Variants in PIGM observed in about 807,000 individuals in gnomAD.
The protein encoded by PIGM is phosphatidylinositol glycan anchor biosynthesis class M, also known as GPI alpha-1,4-mannosyltransferase I, catalytic subunit.
PIGM carries 7 observed loss-of-function variants against 14.6 expected under a neutral mutation model. The ratio of observed to expected loss-of-function variants is 0.48; its 90% confidence interval spans 0.27 to 0.90. The LOEUF (loss-of-function observed/expected upper bound fraction) is 0.90. PIGM is among the 40% of genes least tolerant of loss of function. The probability of loss-of-function intolerance (pLI) is 0.12; values close to 1 mark genes in which losing one functional copy is unlikely to be tolerated. For missense variants in PIGM, 506 were observed against 516.2 expected, an observed-to-expected ratio of 0.98 and a Z score of 0.19; for synonymous variants, 216 against 215.9, an observed-to-expected ratio of 1.00 and a Z score of 0.00.
At position 160,030,936 on chromosome 1, in the gene PIGM, AC is replaced by A. The variant is rs1648310700; in HGVS notation, c.803del (p.Arg268LeufsTer13). ...TGTAGAAGTACGGAGAAAAGTTGTG[AC>A]GGATATCCCGCCTAGTCAGGTGATA... ...YFYHLTRRDI[R>X]HNFSPYFYML... On this transcript the variant is annotated frameshift_variant, in exon 1 of 1. Coordinates refer to ENST00000368090, the MANE Select transcript of PIGM (RefSeq NM_145167.3). LOFTEE classifies it high-confidence loss of function. 3.7e-6 allele frequency: 6 copies of A among 1,614,184 alleles called. No individual in the cohort carries two copies. The highest frequency in any genetic ancestry group is 5.1e-6 in the Non-Finnish European group (6 of 1,180,032).
Position 160,030,421 on chromosome 1 carries a change from C to T in PIGM, c.*47G>A. On this transcript the variant is annotated 3_prime_UTR_variant, in exon 1 of 1. Transcript: ENST00000368090. ...TCCCAAAGCTCTCTTCTGGTCCATA[C>T]AAGACAATCAGAATGTAACACAGTA... 1 of 1,558,290 alleles carries T rather than the reference C, an allele frequency of 6.4e-7. No individual in the cohort carries two copies.
chr1:160,030,693 T>C lies in PIGM; in HGVS notation c.1047A>G (p.Leu349=), dbSNP rs1450360502. 1 of 1,613,970 alleles carries C rather than the reference T, an allele frequency of 6.2e-7. No homozygotes were observed. The highest frequency in any genetic ancestry group is 8.5e-7 in the Non-Finnish European group (1 of 1,179,956). The change falls in exon 1 of 1, where the codon CTA becomes CTG. Residue 349 remains leucine, a synonymous_variant. Transcript: ENST00000368090. ...YLCLLPLVMP[L]VRMPWKRAVV... ...CAGCTCTTTTCCAAGGCATTCTGAC[T>C]AGTGGCATCACAAGAGGCAGTAAGC... is the stretch of plus-strand genomic sequence containing the variant.
chr1:160,028,780 C>T lies in PIGM; in HGVS notation c.*1688G>A, dbSNP rs1188610730. 1.4e-5 allele frequency: 1 copy of T among 74,064 alleles called. No homozygotes were observed. The highest frequency in any genetic ancestry group is 6.3e-5 in the African/African-American group (1 of 15,774). 4.6% of individuals were successfully genotyped at this position (74,064 alleles called of 1,614,324 possible). A position where few individuals can be genotyped will look rare whatever the true frequency, so the allele number is the denominator to read the frequency against. On this transcript the variant is annotated 3_prime_UTR_variant, in exon 1 of 1. Transcript: ENST00000368090. ...TTAGGGAATCCCAAGCCTAGACAGGCTGTTTAATTAAAAAAAAAAATGTAA... is the reference window on the plus strand; with the variant it reads ...TTAGGGAATCCCAAGCCTAGACAGGTTGTTTAATTAAAAAAAAAAATGTAA...
chr1:160,030,496 G>T lies in PIGM; in HGVS notation c.1244C>A (p.Pro415His). ...IQIISHYKEEPLTERIKYD is the reference protein window; with the variant it reads ...IQIISHYKEEHLTERIKYD The stretch of plus-strand genomic sequence containing the variant: ...GTCATATTTGATTCTCTCTGTCAGG[G>T]GTTCTTCTTTGTAATGGGAAATAAT... Residue 415 changes from proline to histidine, a missense_variant, in exon 1 of 1, where the codon CCC becomes CAC. Coordinates refer to ENST00000368090, the MANE Select transcript of PIGM (RefSeq NM_145167.3). 2 of 1,613,124 alleles carry T rather than the reference G, an allele frequency of 1.2e-6. No individual in the cohort carries two copies. The highest frequency in any genetic ancestry group is 2.2e-5 in the East Asian group (1 of 44,882).
Position 160,030,251 on chromosome 1 carries a change from T to C in PIGM, c.*217A>G, listed in dbSNP as rs935104378. The C allele has an allele frequency of 1.9e-6, 1 of 516,956 alleles. No individual in the cohort carries two copies. Among genetic ancestry groups the C allele is most frequent in the East Asian group, 3.5e-5 (1 of 28,646 alleles). The allele number at this position is 516,956 out of a possible 1,614,324, so 32.0% of individuals were successfully genotyped here. A position where few individuals can be genotyped will look rare whatever the true frequency, so the allele number is the denominator to read the frequency against. ...CAATATGTGACCTTTATTCCCACCATGTCCCAAATAAACGAGTCCTAGGAT... is the reference window on the plus strand; with the variant it reads ...CAATATGTGACCTTTATTCCCACCACGTCCCAAATAAACGAGTCCTAGGAT... On this transcript the variant is annotated 3_prime_UTR_variant, in exon 1 of 1. Transcript: ENST00000368090.
rs1648203349 is a variant in PIGM, at chr1:160,027,200, TC to T, written c.*3267del. On this transcript the variant is annotated 3_prime_UTR_variant, in exon 1 of 1. Coordinates refer to ENST00000368090, the MANE Select transcript of PIGM (RefSeq NM_145167.3). ...GACAATCCTAGGTATAATTTTTCCA[TC>T]TTTTTCCTTTTCCATTCATAGTACA... 1 of 152,222 alleles carries T rather than the reference TC, an allele frequency of 6.6e-6. No homozygotes were observed. The highest frequency in any genetic ancestry group is 6.5e-5 in the Admixed American group (1 of 15,286). 9.4% of individuals were successfully genotyped at this position (152,222 alleles called of 1,614,324 possible).
chr1:160,030,521 T>A lies in PIGM; in HGVS notation c.1219A>T (p.Ile407Phe). 1 of 1,613,810 alleles carries A rather than the reference T, an allele frequency of 6.2e-7. No individual in the cohort carries two copies. The highest frequency in any genetic ancestry group is 1.1e-5 in the South Asian group (1 of 91,062). ...GGTTCTTCTTTGTAATGGGAAATAA[T>A]TTGAATCAGGATGGAACAATTGATA... ...LLINCSILIQIISHYKEEPLT... is the reference protein window; with the variant it reads ...LLINCSILIQFISHYKEEPLT... The change falls in exon 1 of 1, where the codon ATT becomes TTT. Residue 407 changes from isoleucine (I) to phenylalanine (F), a missense_variant. Transcript: ENST00000368090.
At position 160,030,932 on chromosome 1, in the gene PIGM, T is replaced by A. The variant is rs1010374723; in HGVS notation, c.808A>T (p.Asn270Tyr). The part of the protein sequence containing the change: ...YHLTRRDIRH[N>Y]FSPYFYMLYL... ...AGCATGTAGAAGTACGGAGAAAAGTTGTGACGGATATCCCGCCTAGTCAGG... is the reference window on the plus strand; with the variant it reads ...AGCATGTAGAAGTACGGAGAAAAGTAGTGACGGATATCCCGCCTAGTCAGG... The change falls in exon 1 of 1, where the codon AAC becomes TAC. Residue 270 changes from asparagine (N) to tyrosine (Y), a missense_variant. Coordinates refer to ENST00000368090, the MANE Select transcript of PIGM (RefSeq NM_145167.3). 1 of 1,614,042 alleles carries A rather than the reference T, an allele frequency of 6.2e-7. No homozygotes were observed. The highest frequency in any genetic ancestry group is 1.3e-5 in the African/African-American group (1 of 74,934).
chr1:160,031,985 G>A lies in PIGM; in HGVS notation c.-246C>T. On this transcript the variant is annotated 5_prime_UTR_variant, in exon 1 of 1. Transcript: ENST00000368090. ...TGCCTTCCTCTGGATGGACGGTCTC[G>A]CTTCCGCTTCTTCTTCCAGCGGAGG... 1 of 593,094 alleles carries A rather than the reference G, an allele frequency of 1.7e-6. No individual in the cohort carries two copies. The highest frequency in any genetic ancestry group is 1.9e-5 in the African/African-American group (1 of 53,952). 36.7% of individuals were successfully genotyped at this position (593,094 alleles called of 1,614,324 possible). A position where few individuals can be genotyped will look rare whatever the true frequency, so the allele number is the denominator to read the frequency against.
In PIGM at chr1:160,031,360, T is replaced by C. The variant is rs1427435840; in HGVS notation, c.380A>G (p.Tyr127Cys). 1 of 1,607,784 alleles carries C rather than the reference T, an allele frequency of 6.2e-7. No homozygotes were observed. The highest frequency in any genetic ancestry group is 1.7e-5 in the Admixed American group (1 of 59,502). ...GGGGTTAAGAAGCCAAAAGACACAG[T>C]AGCCACAAGCCTGGCGGCGCCCCAG... ...KGLGRRQACG[Y>C]CVFWLLNPLP... The change falls in exon 1 of 1, where the codon TAC becomes TGC. Residue 127 changes from tyrosine (Y) to cysteine (C), a missense_variant. Tyr to Cys is a radical substitution (Grantham distance 194). Coordinates refer to ENST00000368090, the MANE Select transcript of PIGM (RefSeq NM_145167.3).
In PIGM at chr1:160,031,572, G is replaced by A. The variant is rs1557964436; in HGVS notation, c.168C>T (p.Thr56=). The A allele has an allele frequency of 1.2e-6, 2 of 1,614,170 alleles. No individual in the cohort carries two copies. Among genetic ancestry groups the A allele is most frequent in the Non-Finnish European group, 8.5e-7 (1 of 1,180,022 alleles). ...RYTDIDYQVF[T]DAARFVTEGR... is the part of the protein sequence containing the mutation. ...CCTCCGTGACGAAGCGCGCGGCGTCGGTGAAGACCTGGTAGTCGATGTCCG... is the reference window on the plus strand; with the variant it reads ...CCTCCGTGACGAAGCGCGCGGCGTCAGTGAAGACCTGGTAGTCGATGTCCG... The change falls in exon 1 of 1, where the codon ACC becomes ACT. Residue 56 remains threonine (T), a synonymous_variant. Transcript: ENST00000368090.
rs1648308531 is a variant in PIGM, at chr1:160,030,864, A to G, written c.876T>C (p.Ile292=). 6.2e-7 allele frequency: 1 copy of G among 1,614,160 alleles called. No homozygotes were observed. The highest frequency in any genetic ancestry group is 1.3e-5 in the African/African-American group (1 of 74,948). ...AGATGAGCTGTGGCAGGAATGCAGC[A>G]ATTCCCAGGGAAAAACTCCACTTGC... ...AESKWSFSLG[I]AAFLPQLILL... Residue 292 remains isoleucine (I), a synonymous_variant, in exon 1 of 1, where the codon ATT becomes ATC. Coordinates refer to ENST00000368090, the MANE Select transcript of PIGM (RefSeq NM_145167.3).
At position 160,031,269 on chromosome 1, in the gene PIGM, G is replaced by A. The variant is rs1648325693; in HGVS notation, c.471C>T (p.Val157=). 6.2e-7 allele frequency: 1 copy of A among 1,614,106 alleles called. No homozygotes were observed. The highest frequency in any genetic ancestry group is 1.6e-4 in the Middle Eastern group (1 of 6,062). ...DSIVASLVLM[V]LYLIKKRLVA... ...CGAGTCTTTTCTTTATCAAGTAGAG[G>A]ACCATCAGGACCAGGGAGGCGACAA... is the stretch of plus-strand genomic sequence containing the variant. Residue 157 remains valine, a synonymous_variant, in exon 1 of 1, where the codon GTC becomes GTT. Transcript: ENST00000368090.
chr1:160,030,739 T>G lies in PIGM; in HGVS notation c.1001A>C (p.Gln334Pro), dbSNP rs1648302230. Reference sequence around the variant, plus strand: ...TAAGCAGAGGTACCAAAGAAAGTACTGGGAGGTGCAGACTTTGTTAAAAGT... The same window carrying G: ...TAAGCAGAGGTACCAAAGAAAGTACGGGGAGGTGCAGACTTTGTTAAAAGT... The part of the protein sequence containing the change: ...FVTFNKVCTS[Q>P]YFLWYLCLLP... Residue 334 changes from glutamine (Q) to proline (P), a missense_variant, in exon 1 of 1, where the codon CAG becomes CCG. Coordinates refer to ENST00000368090, the MANE Select transcript of PIGM (RefSeq NM_145167.3). 3.7e-6 allele frequency: 6 copies of G among 1,614,172 alleles called. No individual in the cohort carries two copies. The highest frequency in any genetic ancestry group is 5.1e-6 in the Non-Finnish European group (6 of 1,180,034).
rs191635456 is a variant in PIGM at position 160,031,420 on chromosome 1, G to A, written c.320C>T (p.Ala107Val). The change falls in exon 1 of 1, where the codon GCT (alanine) becomes GTT (valine). Residue 107 changes from alanine (A) to valine (V), a missense_variant. Physicochemically the swap from Ala to Val is moderately conservative, Grantham distance 64. Transcript: ENST00000368090. ...CAGCAGCAGGCGGTATAAGAGGAAAGCGGTGAGGAGGTCGCAGCTGATGAA... is the reference window on the plus strand; with the variant it reads ...CAGCAGCAGGCGGTATAAGAGGAAAACGGTGAGGAGGTCGCAGCTGATGAA... ...FLFISCDLLTAFLLYRLLLLK... is the reference protein window; with the variant it reads ...FLFISCDLLTVFLLYRLLLLK... 8.1e-6 allele frequency: 13 copies of A among 1,610,968 alleles called. No individual in the cohort carries two copies. The East Asian group carries it at 2.7e-4, about 33-fold the overall frequency.
rs1338808713 is a variant in PIGM, at chr1:160,031,815, G to A, written c.-76C>T. The A allele has an allele frequency of 9.6e-6, 15 of 1,563,156 alleles. No homozygotes were observed. The East Asian group carries it at 3.0e-4, about 31-fold the overall frequency. The stretch of plus-strand genomic sequence containing the variant: ...CTTCTAACCTTCCCTTCGGTTCTTT[G>A]CAGCAGGTGGCCGCCGCATCTCCCA... On this transcript the variant is annotated 5_prime_UTR_variant, in exon 1 of 1. Coordinates refer to ENST00000368090, the MANE Select transcript of PIGM (RefSeq NM_145167.3).
chr1:160,031,558 A>T lies in PIGM; in HGVS notation c.182T>A (p.Phe61Tyr), dbSNP rs1179296733. ...GTAAGGCGAGCGCCCCTCCGTGACG[A>T]AGCGCGCGGCGTCGGTGAAGACCTG... is the stretch of plus-strand genomic sequence containing the variant. Reference protein sequence around the residue: ...DYQVFTDAARFVTEGRSPYLR... With the variant: ...DYQVFTDAARYVTEGRSPYLR... Residue 61 changes from phenylalanine (F) to tyrosine (Y), a missense_variant, in exon 1 of 1, where the codon TTC (phenylalanine) becomes TAC (tyrosine). Physicochemically the swap from Phe to Tyr is conservative, Grantham distance 22. Transcript: ENST00000368090. The T allele has an allele frequency of 1.2e-6, 2 of 1,614,050 alleles. No individual in the cohort carries two copies. The highest frequency in any genetic ancestry group is 1.7e-6 in the Non-Finnish European group (2 of 1,180,040).
In PIGM at chr1:160,031,834, T is replaced by C; in HGVS notation, c.-95A>G. The C allele has an allele frequency of 1.4e-6, 2 of 1,451,032 alleles. No homozygotes were observed. Among genetic ancestry groups the C allele is most frequent in the Middle Eastern group, 2.4e-4 (1 of 4,158 alleles). 89.9% of individuals were successfully genotyped at this position (1,451,032 alleles called of 1,614,324 possible). A position where few individuals can be genotyped will look rare whatever the true frequency, so the allele number is the denominator to read the frequency against. ...TTCTTTGCAGCAGGTGGCCGCCGCATCTCCCACCCGCCAGGCTGCCAACCG... is the reference window on the plus strand; with the variant it reads ...TTCTTTGCAGCAGGTGGCCGCCGCACCTCCCACCCGCCAGGCTGCCAACCG... On this transcript the variant is annotated 5_prime_UTR_variant, in exon 1 of 1. An upstream start codon of the reference 5' UTR is lost. Coordinates refer to ENST00000368090, the MANE Select transcript of PIGM (RefSeq NM_145167.3).
rs770802200 is a variant in PIGM, at chr1:160,031,478, T to C, written c.262A>G (p.Ile88Val). 6.2e-7 allele frequency: 1 copy of C among 1,613,862 alleles called. No individual in the cohort carries two copies. Among genetic ancestry groups the C allele is most frequent in the Admixed American group, 1.7e-5 (1 of 60,010 alleles). The change falls in exon 1 of 1, where the codon ATC becomes GTC. Residue 88 changes from isoleucine to valine, a missense_variant. Ile to Val is a conservative substitution (Grantham distance 29, BLOSUM62 3). Coordinates refer to ENST00000368090, the MANE Select transcript of PIGM (RefSeq NM_145167.3). Reference sequence around the variant, plus strand: ...TTTCCAAAGAGCTCGCTGAGGTAGATGTTGGGAGTGAGGAGCCAACCCAGC... The same window carrying C: ...TTTCCAAAGAGCTCGCTGAGGTAGACGTTGGGAGTGAGGAGCCAACCCAGC... Reference protein sequence around the residue: ...PLLGWLLTPNIYLSELFGKFL... With the variant: ...PLLGWLLTPNVYLSELFGKFL...
Sources: allele counts gnomAD v4.1 joint callset, GRCh38; gene constraint gnomAD v4.1.1; transcripts MANE v1.5; gene names NCBI Gene and HGNC (gene_info 2026-07-23, HGNC 2026-07-21).